Variants in ASIC2 observed in about 807,000 individuals in gnomAD.
ASIC2 encodes acid-sensing ion channel 2.
In ASIC2, 25 loss-of-function variants were observed where a neutral mutation model predicts 57.3. The ratio of observed to expected loss-of-function variants is 0.44; its 90% CI spans 0.32 to 0.61. The LOEUF (loss-of-function observed/expected upper bound fraction) is 0.61, where lower values mean the gene tolerates loss of function less well. ASIC2 is among the 20% of genes least tolerant of loss of function. The pLI is 0.06. For synonymous variants in ASIC2, 319 were observed against 307.5 expected, an observed-to-expected ratio of 1.04 and a Z score of -0.39; for missense variants, 641 against 738.1, an observed-to-expected ratio of 0.87 and a Z score of 1.52.
chr17:33,159,638 G>A (rs1020220511), intron 1 of ASIC2, among the ~76,000 whole-genome samples: 3 of 152,128 alleles, frequency 2.0e-5, no homozygotes, highest in Admixed American at 6.6e-5. Flanking sequence ...GGGTCCTAAC[G>A]AAAGTGCCTT....
chr17:33,477,752 C>CA (rs1913277506), intron 1 of ASIC2, among the ~76,000 whole-genome samples: 1 of 152,178 alleles, frequency 6.6e-6, no homozygotes, highest in South Asian at 2.1e-4. Context: ...CATGGTGTCC[C>CA]ACACTAGGGA....
rs1264529013 is a variant in ASIC2, at chr17:33,046,281, A to G, written c.988-17889T>C. 2.0e-5 allele frequency among the ~76,000 whole-genome samples: 3 copies of G among 152,206 alleles called. No homozygotes were observed. The East Asian group carries it at 5.8e-4, about 29-fold the overall frequency. On this transcript the variant is annotated intron_variant, in intron 3 of 9. Coordinates refer to ENST00000225823, the MANE Select transcript of ASIC2 (RefSeq NM_183377.2). Reference sequence around the variant, plus strand: ...TTCCATTCACTATCTCTTTTGGAATAGCGGCCTTTTATTTCCTTGCTTTTT... The same window carrying G: ...TTCCATTCACTATCTCTTTTGGAATGGCGGCCTTTTATTTCCTTGCTTTTT...
chr17:33,846,205 G>A (rs1054297007), intron 1 of ASIC2, among the ~76,000 whole-genome samples: 9 of 152,110 alleles, frequency 5.9e-5, no homozygotes, highest in East Asian at 1.9e-4. Flanking sequence ...CTCTTCTCCC[G>A]GGCCAGATAG....
chr17:33,065,466 C>G (rs973088209), intron 3 of ASIC2, among the ~76,000 whole-genome samples: 2 of 152,148 alleles, frequency 1.3e-5, no homozygotes, highest in Non-Finnish European at 2.9e-5. Context: ...CACACCACCA[C>G]ATCTGGCTAA....
chr17:33,259,728 G>T (rs1390200920), intron 1 of ASIC2, among the ~76,000 whole-genome samples: 1 of 152,154 alleles, frequency 6.6e-6, no homozygotes, highest in South Asian at 2.1e-4. Flanking sequence ...TGGGAATAGG[G>T]ATGGAAGTAA....
At chr17:33,577,757 T>C (rs1916677007) in intron 1 of ASIC2, among the ~76,000 whole-genome samples, 1 of 152,008 alleles carries the variant, frequency 6.6e-6, no homozygotes, top group South Asian at 2.1e-4. Flanking sequence ...CTCATTCCCC[T>C]CCTCTGTGTT....
chr17:34,096,959 G>T (rs1326378102), intron 1 of ASIC2, among the ~76,000 whole-genome samples: 1 of 151,210 alleles, frequency 6.6e-6, no homozygotes, highest in African/African-American at 2.4e-5. Context: ...CCTCAAGGTG[G>T]AAAGAAATGA....
chr17:33,815,198 C>T (rs1912540786), intron 1 of ASIC2, among the ~76,000 whole-genome samples: 1 of 152,214 alleles, frequency 6.6e-6, no homozygotes, highest in East Asian at 1.9e-4. Flanking sequence ...ATAGTGGGGT[C>T]TACAGAGGCC....
intron 1 of ASIC2, among the ~76,000 whole-genome samples, chr17:33,115,271 G>T (rs977612311): frequency 6.6e-6 from 1 of 152,212 alleles, no homozygotes; most frequent in Non-Finnish European, 1.5e-5. Flanking sequence ...AGTAGCAGGG[G>T]TGGGGAGCCA....
intron 1 of ASIC2, among the ~76,000 whole-genome samples, chr17:33,554,103 T>C (rs766112048): frequency 2.8e-4 from 42 of 152,340 alleles, no homozygotes; most frequent in Admixed American, 4.6e-4. Flanking sequence ...GAAGACCCAA[T>C]TCTCTAATGC....
intron 1 of ASIC2, among the ~76,000 whole-genome samples, chr17:33,674,798 C>T (rs991680218): frequency 1.3e-5 from 2 of 152,162 alleles, no homozygotes; most frequent in African/African-American, 4.8e-5. Flanking sequence ...CTGCTCTCTG[C>T]CGGCCGAATG....
At chr17:33,267,860 A>G (rs1300548482) in intron 1 of ASIC2, among the ~76,000 whole-genome samples, 1 of 152,170 alleles carries the variant, frequency 6.6e-6, no homozygotes, top group Admixed American at 6.5e-5. Context: ...TGTTTCCTTG[A>G]GGGAACTGAA....
At chr17:33,887,321 C>T (rs1057485901) in intron 1 of ASIC2, among the ~76,000 whole-genome samples, 15 of 152,040 alleles carry the variant, frequency 9.9e-5, no homozygotes, top group African/African-American at 1.9e-4. Context: ...TCTAGAAGAG[C>T]GAGACAGTAT....
At chr17:33,408,596 C>T (rs1454276276) in intron 1 of ASIC2, among the ~76,000 whole-genome samples, 1 of 152,208 alleles carries the variant, frequency 6.6e-6, no homozygotes, top group African/African-American at 2.4e-5. Context: ...TGACAACACA[C>T]ACAATAACTA....
At chr17:33,298,108 A>ATTAT (rs754325597), upstream of ASIC2, among the ~76,000 whole-genome samples, 134 of 149,806 alleles carry the variant, frequency 8.9e-4, 1 homozygote, top group Middle Eastern at 3.5e-3. Flanking sequence ...ATACCTTTTT[A>ATTAT]TTATTTATTT....
chr17:33,517,911 T>C (rs1234537866), intron 1 of ASIC2, among the ~76,000 whole-genome samples: 3 of 152,134 alleles, frequency 2.0e-5, no homozygotes. Flanking sequence ...ACCAAGCCTG[T>C]TGCAATGTGG....
At chr17:34,098,940 T>A (rs1397800329) in intron 1 of ASIC2, among the ~76,000 whole-genome samples, 1 of 151,970 alleles carries the variant, frequency 6.6e-6, no homozygotes, top group African/African-American at 2.4e-5. Context: ...GTGTGATACA[T>A]GCTCTGATGG....
At chr17:33,593,680 C>T (rs1209669195) in intron 1 of ASIC2, among the ~76,000 whole-genome samples, 3 of 152,182 alleles carry the variant, frequency 2.0e-5, no homozygotes. Flanking sequence ...GTAGGCACTT[C>T]ATCTGAATAA....
intron 1 of ASIC2, among the ~76,000 whole-genome samples, chr17:33,436,853 CTTTTTTTTTTT>C (rs71144877): frequency 7.5e-5 from 5 of 66,616 alleles, no homozygotes; most frequent in South Asian, 1.3e-3. Flanking sequence ...ATTCCAACTT[CTTTTTTTTTTT>C]TTTTTTTTTT....
Sources: allele counts gnomAD v4.1 joint callset (sites outside exome capture counted in the v4.1 genomes callset), GRCh38; gene constraint gnomAD v4.1.1; transcripts MANE v1.5; gene names NCBI Gene and HGNC (gene_info 2026-07-23, HGNC 2026-07-21).